ZNF804B: variants seen among roughly 807,000 people sequenced by gnomAD.
ZNF804B encodes zinc finger 804B.
A neutral mutation model predicts 101.4 loss-of-function variants in ZNF804B; 80 were observed. The observed-to-expected ratio is 0.79, with a 90% CI of 0.66 to 0.95. The LOEUF is 0.95. ZNF804B is among the 40% of genes least tolerant of loss of function. The pLI is 0.00. For missense variants in ZNF804B, 1,673 were observed against 1,561.9 expected (o/e 1.07, Z -1.20); for synonymous variants, 622 against 558.8 (o/e 1.11, Z -1.59).
At chr7:89,158,496 T>C (rs1791010694) in intron 1 of ZNF804B, among the ~76,000 whole-genome samples, 1 of 152,156 alleles carries the variant, frequency 6.6e-6, no homozygotes, top group East Asian at 1.9e-4. Context: ...CCACCTTCTC[T>C]GACCTTGATT....
chr7:89,216,753 C>A (rs751650479), intron 1 of ZNF804B, among the ~76,000 whole-genome samples: 4 of 152,150 alleles, frequency 2.6e-5, no homozygotes, highest in African/African-American at 9.7e-5. Flanking sequence ...TGAAAATATG[C>A]GTAAATTATT....
intron 1 of ZNF804B, among the ~76,000 whole-genome samples, chr7:88,866,549 AAAAC>A (rs1192358608): frequency 2.6e-5 from 4 of 152,310 alleles, no homozygotes; most frequent in South Asian, 2.1e-4. Context: ...GTCACATTAA[AAAAC>A]AAACAAAACA....
chr7:88,940,690 G>A (rs1187110924), intron 1 of ZNF804B, among the ~76,000 whole-genome samples: 1 of 151,140 alleles, frequency 6.6e-6, no homozygotes, highest in African/African-American at 2.4e-5. Flanking sequence ...GATTGCTTGA[G>A]CTAGGGAGGT....
At chr7:89,222,803 C>A (rs1052546389) in intron 2 of ZNF804B, among the ~76,000 whole-genome samples, 2 of 151,788 alleles carry the variant, frequency 1.3e-5, no homozygotes, top group South Asian at 2.1e-4. Context: ...TTTAAAAATA[C>A]CTTTTGCTTG....
intron 3 of ZNF804B, among the ~76,000 whole-genome samples, chr7:89,331,095 T>C (rs533278064): frequency 6.6e-6 from 1 of 151,792 alleles, no homozygotes; most frequent in African/African-American, 2.4e-5. Flanking sequence ...TACACTAGAC[T>C]TGTGGAATAA....
chr7:89,312,163 T>C (rs1468416980), intron 2 of ZNF804B, among the ~76,000 whole-genome samples: 1 of 152,176 alleles, frequency 6.6e-6, no homozygotes. Context: ...CTCTGAGTTA[T>C]AAAGAATTTT....
intron 2 of ZNF804B, among the ~76,000 whole-genome samples, chr7:89,269,873 T>C (rs1235923844): frequency 9.8e-5 from 15 of 152,338 alleles, no homozygotes; most frequent in Non-Finnish European, 2.2e-4. Context: ...TTTTGAGAAG[T>C]GTCTGTTCAT....
intron 1 of ZNF804B, among the ~76,000 whole-genome samples, chr7:89,016,621 C>T (rs1372844493): frequency 6.6e-6 from 1 of 150,710 alleles, no homozygotes; most frequent in Non-Finnish European, 1.5e-5. Context: ...TTGTTTTTCT[C>T]AGGTTTGTCA....
In ZNF804B at chr7:88,972,176, G is replaced by A. The variant is rs1793548612; in HGVS notation, c.108+212092G>A. Reference sequence around the variant, plus strand: ...CTTCACTAAAAATGGAATTTGAATTGTGTATTTTTTCTCCATCTTTCAATG... The same window carrying A: ...CTTCACTAAAAATGGAATTTGAATTATGTATTTTTTCTCCATCTTTCAATG... On this transcript the variant is annotated intron_variant, in intron 1 of 3. Coordinates refer to ENST00000333190, the MANE Select transcript of ZNF804B (RefSeq NM_181646.5). Among the ~76,000 whole-genome samples the A allele has an allele frequency of 3.3e-5, 5 of 151,478 alleles. No homozygotes were observed. The South Asian group carries it at 8.3e-4, about 25-fold the overall frequency.
intron 1 of ZNF804B, among the ~76,000 whole-genome samples, chr7:88,874,660 A>C (rs561094315): frequency 6.6e-6 from 1 of 152,046 alleles, no homozygotes; most frequent in African/African-American, 2.4e-5. Context: ...TACCTAATTT[A>C]TTGAGAGTTT....
chr7:88,939,513 T>C (rs1380486283), intron 1 of ZNF804B, among the ~76,000 whole-genome samples: 1 of 151,846 alleles, frequency 6.6e-6, no homozygotes, highest in African/African-American at 2.4e-5. Flanking sequence ...AAGAAACCAA[T>C]TAAAAAGTAA....
chr7:88,991,506 T>A (rs542264120), intron 1 of ZNF804B, among the ~76,000 whole-genome samples: 1 of 152,168 alleles, frequency 6.6e-6, no homozygotes, highest in Non-Finnish European at 1.5e-5. Flanking sequence ...GGTACCTGGC[T>A]TTGCCCCAGC....
intron 1 of ZNF804B, among the ~76,000 whole-genome samples, chr7:88,932,908 C>A (rs1281138381): frequency 6.6e-6 from 1 of 150,782 alleles, no homozygotes; most frequent in Non-Finnish European, 1.5e-5. Context: ...ATAAACGATT[C>A]CAAAAGATAA....
chr7:89,216,682 T>A lies in ZNF804B; in HGVS notation c.109-1473T>A, dbSNP rs1408756669. Among the ~76,000 whole-genome samples, 3 of 152,192 alleles carry A rather than the reference T, an allele frequency of 2.0e-5. No individual in the cohort carries two copies. The East Asian group carries it at 5.8e-4, about 29-fold the overall frequency. ...GCCATGTGTTTTACCCTCTTATATT[T>A]GGGCTTAAATCATTATGTTACACAC... is the stretch of plus-strand genomic sequence containing the variant. On this transcript the variant is annotated intron_variant, in intron 1 of 3. Transcript: ENST00000333190.
intron 1 of ZNF804B, among the ~76,000 whole-genome samples, chr7:89,156,032 CTTTCTTT>C (rs1790961685): frequency 2.1e-4 from 11 of 52,060 alleles, no homozygotes; most frequent in Admixed American, 3.8e-4. Flanking sequence ...TTCTTTCTTT[CTTTCTTT>C]CTTTCTTTCT....
chr7:88,775,356 G>A (rs1790125764), intron 1 of ZNF804B, among the ~76,000 whole-genome samples: 1 of 152,176 alleles, frequency 6.6e-6, no homozygotes, highest in Admixed American at 6.5e-5. Flanking sequence ...GAAAGCAAAG[G>A]CTGATAGGTG....
In ZNF804B at chr7:89,336,792, A is replaced by T. The variant is rs1386193975; in HGVS notation, c.3810A>T (p.Leu1270Phe). 3.7e-6 allele frequency: 6 copies of T among 1,613,874 alleles called. No homozygotes were observed. Among genetic ancestry groups the T allele is most frequent in the Middle Eastern group, 1.6e-4 (1 of 6,082 alleles). ...PTFLAGHPLH[L>F]VAATPFHPSH... ...TCTTAGCAGGTCATCCCCTGCATTT[A>T]GTAGCTGCTACCCCCTTCCACCCAT... Residue 1270 changes from leucine (L) to phenylalanine (F), a missense_variant, in exon 4 of 4, where the codon TTA (leucine) becomes TTT (phenylalanine). Leu to Phe is a conservative substitution (Grantham distance 22, BLOSUM62 0). Coordinates refer to ENST00000333190, the MANE Select transcript of ZNF804B (RefSeq NM_181646.5).
At chr7:89,315,272 C>T (rs908359402) in intron 2 of ZNF804B, among the ~76,000 whole-genome samples, 1 of 152,120 alleles carries the variant, frequency 6.6e-6, no homozygotes, top group East Asian at 1.9e-4. Context: ...GAACTGCCCC[C>T]ATGATGCAGT....
intron 3 of ZNF804B, among the ~76,000 whole-genome samples, chr7:89,329,091 TA>T (rs1466170828): frequency 9.2e-5 from 14 of 151,762 alleles, no homozygotes; most frequent in Non-Finnish European, 1.8e-4. Context: ...TCCACTCTAT[TA>T]AGTTTCAGCT....
Sources: gnomAD v4.1 joint callset for allele counts (sites outside exome capture counted in the v4.1 genomes callset) on GRCh38, gnomAD v4.1.1 for gene constraint, MANE v1.5 for transcripts, NCBI Gene and HGNC (gene_info 2026-07-23, HGNC 2026-07-21) for gene names.